PTPRN2: variants seen among roughly 807,000 people sequenced by gnomAD.
PTPRN2 encodes receptor-type tyrosine-protein phosphatase N2.
Under a neutral mutation model 118.8 loss-of-function variants are expected in PTPRN2, and 74 were observed. That is an observed-to-expected ratio of 0.62 (90% CI 0.52 to 0.76). The LOEUF is 0.76. PTPRN2 is among the 30% of genes least tolerant of loss of function. PTPRN2 has a pLI of 0.00. For missense variants in PTPRN2, 1,481 were observed against 1,394.4 expected (o/e 1.06, Z -0.99); for synonymous variants, 641 against 608.0 (o/e 1.05, Z -0.80).
At chr7:158,466,725 C>A (rs1036763390) in intron 2 of PTPRN2, among the ~76,000 whole-genome samples, 11 of 152,272 alleles carry the variant, frequency 7.2e-5, no homozygotes, top group Non-Finnish European at 1.0e-4. Flanking sequence ...TCTTGAGGAA[C>A]CTACACACTG....
intron 1 of PTPRN2, among the ~76,000 whole-genome samples, chr7:158,492,984 C>T (rs542433929): frequency 6.6e-6 from 1 of 152,250 alleles, no homozygotes; most frequent in Non-Finnish European, 1.5e-5. Flanking sequence ...ACAAGGAAAG[C>T]CAACAGCGGC....
rs576420096 is a variant in PTPRN2 at position 158,531,688 on chromosome 7, C to T, written c.113-41903G>A. On this transcript the variant is annotated intron_variant, in intron 1 of 22. Transcript: ENST00000389418. The stretch of plus-strand genomic sequence containing the variant: ...AGGAAAGAACAAAACCAATGCACCA[C>T]TGGACCATCACCTTTAGAGAAAAAG... Among the ~76,000 whole-genome samples the T allele has an allele frequency of 1.2e-4, 18 of 152,360 alleles. 1 individual carries two copies. Among genetic ancestry groups the T allele is most frequent in the African/African-American group, 3.8e-4 (16 of 41,596 alleles).
At position 157,872,405 on chromosome 7, in the gene PTPRN2, A is replaced by C. The variant is rs371649446; in HGVS notation, c.1788+26268T>G. Among the ~76,000 whole-genome samples the C allele has an allele frequency of 2.5e-4, 21 of 83,446 alleles. 1 individual carries two copies. The East Asian group carries it at 7.7e-3, about 31-fold the overall frequency. 54.7% of individuals were successfully genotyped at this position (83,446 alleles called of 152,430 possible). ...CATACCCAGTGTCCTCCCCCCACAC[A>C]CATACCCAGTGTCTTTCCCACACAC... On this transcript the variant is annotated intron_variant, in intron 12 of 22. Transcript: ENST00000389418.
intron 12 of PTPRN2, among the ~76,000 whole-genome samples, chr7:157,715,183 GGA>G (rs1438494217): frequency 7.9e-5 from 12 of 152,330 alleles, no homozygotes; most frequent in Admixed American, 2.0e-4. Context: ...CTGCAGGGTG[GGA>G]GAGAAATACC....
intron 3 of PTPRN2, among the ~76,000 whole-genome samples, chr7:158,220,413 A>G (rs1422023098): frequency 6.6e-6 from 1 of 152,176 alleles, no homozygotes; most frequent in African/African-American, 2.4e-5. Flanking sequence ...TATACATAGA[A>G]ACCCCTAAAA....
rs1446928287 is a variant in PTPRN2, at chr7:157,978,957, G to A, written c.1724-80220C>T. Among the ~76,000 whole-genome samples, 4 of 152,032 alleles carry A rather than the reference G, an allele frequency of 2.6e-5. 1 individual carries two copies. Among genetic ancestry groups the A allele is most frequent in the Admixed American group, 6.5e-5 (1 of 15,274 alleles). The stretch of plus-strand genomic sequence containing the variant: ...TTCTTGTCTACGACACCTGCCCAGC[G>A]GAAGGCCCAGAGGGGGGTGGCTCTC... On this transcript the variant is annotated intron_variant, in intron 11 of 22. Coordinates refer to ENST00000389418, the MANE Select transcript of PTPRN2 (RefSeq NM_002847.5).
In PTPRN2 at chr7:158,578,052, G is replaced by A. The variant is rs115192111; in HGVS notation, c.112+9506C>T. On this transcript the variant is annotated intron_variant, in intron 1 of 22. Coordinates refer to ENST00000389418, the MANE Select transcript of PTPRN2 (RefSeq NM_002847.5). Reference sequence around the variant, plus strand: ...AGAGCAAAGGGAACAACACCCACCCGGCAAGCTCGTTGACAAGACCAAAAT... The same window carrying A: ...AGAGCAAAGGGAACAACACCCACCCAGCAAGCTCGTTGACAAGACCAAAAT... 3.2e-3 allele frequency among the ~76,000 whole-genome samples: 492 copies of A among 152,274 alleles called. 3 individuals carry two copies. Among genetic ancestry groups the A allele is most frequent in the African/African-American group, 0.011 (463 of 41,552 alleles).
At chr7:157,917,410 T>C (rs1241619124) in intron 11 of PTPRN2, among the ~76,000 whole-genome samples, 2 of 152,212 alleles carry the variant, frequency 1.3e-5, no homozygotes, top group Non-Finnish European at 2.9e-5. Flanking sequence ...CAGCCCTTGT[T>C]TTCCAGCCAT....
chr7:158,014,389 G>A (rs541039334), intron 11 of PTPRN2, among the ~76,000 whole-genome samples: 46 of 145,462 alleles, frequency 3.2e-4, no homozygotes, highest in East Asian at 1.5e-3. Flanking sequence ...CTGTTTGTTC[G>A]TCCATCCATC....
At chr7:158,147,900 CT>C (rs1820353683) in intron 6 of PTPRN2, among the ~76,000 whole-genome samples, 1 of 130,300 alleles carries the variant, frequency 7.7e-6, no homozygotes, top group African/African-American at 3.0e-5. Flanking sequence ...GTCTTTCCCC[CT>C]CACTGACACC....
intron 11 of PTPRN2, among the ~76,000 whole-genome samples, chr7:157,989,127 G>A (rs369393402): frequency 1.3e-5 from 2 of 152,342 alleles, no homozygotes; most frequent in East Asian, 1.9e-4. Flanking sequence ...TCGAAAGACC[G>A]TGGTTTTTGG....
intron 11 of PTPRN2, among the ~76,000 whole-genome samples, chr7:157,967,807 G>A (rs774395816): frequency 1.3e-5 from 2 of 152,186 alleles, no homozygotes; most frequent in African/African-American, 4.8e-5. Context: ...TGGGATGAAT[G>A]ATCAGGAAAA....
At chr7:158,489,839 C>T in intron 1 of PTPRN2, 54 bp from the exon 2 acceptor site, 5 of 1,507,524 alleles carry the variant, frequency 3.3e-6, no homozygotes, top group Non-Finnish European at 4.5e-6. Flanking sequence ...AGGGGGGTGC[C>T]CCCGAGGCTG....
At chr7:158,455,717 G>A (rs1334233689) in intron 2 of PTPRN2, among the ~76,000 whole-genome samples, 10 of 145,968 alleles carry the variant, frequency 6.9e-5, no homozygotes, top group Admixed American at 6.8e-5. Context: ...CGGCATGGAC[G>A]CCATCGGCCA....
rs1820103822 is a variant in PTPRN2, at chr7:158,146,825, GT to G, written c.911-8311del. 2.0e-5 allele frequency among the ~76,000 whole-genome samples: 3 copies of G among 151,942 alleles called. 1 individual carries two copies. The highest frequency in any genetic ancestry group is 1.3e-4 in the Admixed American group (2 of 15,260). On this transcript the variant is annotated intron_variant, in intron 6 of 22. Transcript: ENST00000389418. ...CACACCAGCACAGACACACTAAAAT[GT>G]TTTGGAGGCCAGAGAGACTTGACCA...
At chr7:158,363,197 T>C (rs1430428718) in intron 2 of PTPRN2, among the ~76,000 whole-genome samples, 2 of 151,670 alleles carry the variant, frequency 1.3e-5, no homozygotes, top group Non-Finnish European at 2.9e-5. Context: ...GGGAGGACAC[T>C]AGGGAGGCCA....
intron 2 of PTPRN2, among the ~76,000 whole-genome samples, chr7:158,321,066 T>C (rs762445287): frequency 2.6e-5 from 4 of 151,802 alleles, no homozygotes; most frequent in Non-Finnish European, 5.9e-5. Flanking sequence ...GAAAGTCAAA[T>C]CTCAATCAGG....
intron 14 of PTPRN2, among the ~76,000 whole-genome samples, chr7:157,643,532 T>C (rs1194312869): frequency 1.3e-5 from 2 of 152,194 alleles, no homozygotes; most frequent in Non-Finnish European, 2.9e-5. Flanking sequence ...AAGGCCGTGA[T>C]GGCCGCTGAC....
At chr7:157,887,469 C>A (rs1796525454) in intron 12 of PTPRN2, among the ~76,000 whole-genome samples, 1 of 101,404 alleles carries the variant, frequency 9.9e-6, no homozygotes, top group Non-Finnish European at 2.0e-5. Flanking sequence ...ACCCGCTCCC[C>A]CCATTACCTG....
Sources: allele counts gnomAD v4.1 joint callset (sites outside exome capture counted in the v4.1 genomes callset), GRCh38; gene constraint gnomAD v4.1.1; transcripts MANE v1.5; gene names NCBI Gene and HGNC (gene_info 2026-07-23, HGNC 2026-07-21).